The following OSBP variants were observed in gnomAD, a reference collection of about 807,000 sequenced individuals.
OSBP encodes the protein oxysterol-binding protein 1.
In OSBP, 32 loss-of-function variants were observed where a neutral mutation model predicts 96.6. That is an observed-to-expected ratio of 0.33 (90% CI 0.25 to 0.45). OSBP has a LOEUF of 0.45. Ranked by LOEUF, OSBP falls within the 20% of genes least tolerant of loss-of-function variation. The pLI is 1.00. For missense variants in OSBP, 653 were observed against 1,029.7 expected (o/e 0.63, Z 5.01); for synonymous variants, 369 against 389.6 (o/e 0.95, Z 0.62).
intron 7 of OSBP, chr11:59,595,214 A>C (rs946592370): frequency 2.6e-5 from 4 of 152,594 alleles, no homozygotes; most frequent in Non-Finnish European, 5.9e-5. Flanking sequence ...ATTCACTATA[A>C]AACAAGTCAG....
chr11:59,615,659 C>T lies in OSBP; in HGVS notation c.6G>A (p.Ala2=), dbSNP rs1299606656. Residue 2 remains alanine, a synonymous_variant, in exon 1 of 14, where the codon GCG becomes GCA. Transcript: ENST00000263847. ...CCACCACTCCTCTCAGCTCCGTCGCCGCCATGAGCCGCCGCCGCCTGGAGA... is the reference window on the plus strand; with the variant it reads ...CCACCACTCCTCTCAGCTCCGTCGCTGCCATGAGCCGCCGCCGCCTGGAGA... The part of the protein sequence containing the change: M[A]ATELRGVVGP... The T allele has an allele frequency of 7.5e-7, 1 of 1,337,210 alleles. No homozygotes were observed. Among genetic ancestry groups the T allele is most frequent in the African/African-American group, 1.5e-5 (1 of 65,374 alleles). 82.8% of individuals were successfully genotyped at this position (1,337,210 alleles called of 1,614,324 possible).
rs1860619067 is a variant in OSBP at position 59,594,143 on chromosome 11, T to C, written c.1424A>G (p.Tyr475Cys). 2 of 1,614,122 alleles carry C rather than the reference T, an allele frequency of 1.2e-6. No individual in the cohort carries two copies. Among genetic ancestry groups the C allele is most frequent in the South Asian group, 2.2e-5 (2 of 91,084 alleles). ...KCENSLEQLC[Y>C]VAAFTVSSYS... Reference sequence around the variant, plus strand: ...GGAGGACACGGTGAAAGCTGCAACATAACAGAGCTGTTCTAGAGAATTCTC... The same window carrying C: ...GGAGGACACGGTGAAAGCTGCAACACAACAGAGCTGTTCTAGAGAATTCTC... The change falls in exon 8 of 14, where the codon TAT (tyrosine) becomes TGT (cysteine). Residue 475 changes from tyrosine to cysteine, a missense_variant. This residue lies in a region of OSBP where 308 missense variants were observed against 573.1 expected (regional missense o/e 0.54). Coordinates refer to ENST00000263847, the MANE Select transcript of OSBP (RefSeq NM_002556.3).
chr11:59,582,660 G>C (rs1860435033), intron 9 of OSBP, among the ~76,000 whole-genome samples: 4 of 152,194 alleles, frequency 2.6e-5, no homozygotes, highest in Admixed American at 2.0e-4. Flanking sequence ...CAGAAGTGCA[G>C]GTGGCCTAGG....
intron 9 of OSBP, among the ~76,000 whole-genome samples, chr11:59,587,456 T>A (rs1283190612): frequency 6.6e-6 from 1 of 150,470 alleles, no homozygotes; most frequent in African/African-American, 2.5e-5. Context: ...GAGCCAAGAC[T>A]GCGCCACTGC....
chr11:59,594,001 T>C lies in OSBP; in HGVS notation c.1557+9A>G. On this transcript the variant is annotated intron_variant, in intron 8 of 13. Transcript: ENST00000263847. ...AAGGAAATGCGTTATGGTTCTGAGG[T>C]TCCTTTACCTGTTCACAGAGGGATC... 1 of 1,613,376 alleles carries C rather than the reference T, an allele frequency of 6.2e-7. No individual in the cohort carries two copies. The highest frequency in any genetic ancestry group is 2.2e-5 in the East Asian group (1 of 44,874).
Position 59,586,769 on chromosome 11 carries a change from G to T in OSBP, c.1679-5215C>A, listed in dbSNP as rs990770308. On this transcript the variant is annotated intron_variant, in intron 9 of 13. Transcript: ENST00000263847. ...TGGTCAAATGATTTTTGGCAAGGGT[G>T]CCAAGACCACTCAATGGGGACAGGA... Among the ~76,000 whole-genome samples the T allele has an allele frequency of 5.3e-5, 8 of 152,306 alleles. No homozygotes were observed. In the East Asian group the frequency reaches 1.5e-3, roughly 29 times the overall value.
intron 9 of OSBP, among the ~76,000 whole-genome samples, chr11:59,586,178 G>GAAAAAAAAAAAAAAAAAAAAAAAAAAA (rs34764421): frequency 1.7e-5 from 1 of 60,404 alleles, no homozygotes; most frequent in Non-Finnish European, 3.8e-5. Context: ...AATAAATAAA[G>GAAAAAAAAAAAAAAAAAAAAAAAAAAA]AAAAAAAAAA....
intron 9 of OSBP, among the ~76,000 whole-genome samples, chr11:59,585,515 C>T (rs1366100411): frequency 6.6e-6 from 1 of 151,674 alleles, no homozygotes; most frequent in African/African-American, 2.4e-5. Context: ...CCTCTCCGCC[C>T]AGCAGCCACC....
At position 59,576,396 on chromosome 11, in the gene OSBP, A is replaced by G; in HGVS notation, c.*181T>C. 1.5e-6 allele frequency: 1 copy of G among 666,048 alleles called. No homozygotes were observed. The highest frequency in any genetic ancestry group is 2.5e-6 in the Non-Finnish European group (1 of 393,576). 41.3% of individuals were successfully genotyped at this position (666,048 alleles called of 1,614,324 possible). On this transcript the variant is annotated 3_prime_UTR_variant, in exon 14 of 14. Coordinates refer to ENST00000263847, the MANE Select transcript of OSBP (RefSeq NM_002556.3). ...ATGTCGATTTCAGTTTCAATCAGCT[A>G]AGGCAACCAGCCAATCACCACCACT...
chr11:59,615,638 C>A lies in OSBP; in HGVS notation c.27G>T (p.Val9=). MAATELRG[V]VGPGPAAIAA... is the part of the protein sequence containing the mutation. The stretch of plus-strand genomic sequence containing the variant: ...CAATGGCTGCCGGGCCTGGCCCCAC[C>A]ACTCCTCTCAGCTCCGTCGCCGCCA... Residue 9 remains valine (V), a synonymous_variant, in exon 1 of 14, where the codon GTG becomes GTT. Transcript: ENST00000263847. 7.2e-7 allele frequency: 1 copy of A among 1,383,394 alleles called. No homozygotes were observed. 85.7% of individuals were successfully genotyped at this position (1,383,394 alleles called of 1,614,324 possible).
intron 5 of OSBP, 49 bp from the exon 6 acceptor site, chr11:59,600,922 A>G: frequency 6.7e-7 from 1 of 1,489,042 alleles, no homozygotes; most frequent in Non-Finnish European, 9.4e-7. Flanking sequence ...CCAGAACTAG[A>G]GTGTGGTCCT....
chr11:59,597,252 C>T (rs1860670514), intron 7 of OSBP, among the ~76,000 whole-genome samples: 1 of 151,912 alleles, frequency 6.6e-6, no homozygotes. Flanking sequence ...GAGATGTTGG[C>T]CAGGCTGGTC....
intron 3 of OSBP, among the ~76,000 whole-genome samples, chr11:59,604,309 G>C (rs150712194): frequency 1.3e-5 from 2 of 152,116 alleles, no homozygotes; most frequent in African/African-American, 4.8e-5. Flanking sequence ...CACTTTGGAA[G>C]GCCAAGACAG....
Position 59,615,344 on chromosome 11 carries a change from C to T in OSBP, c.321G>A (p.Arg107=). The T allele has an allele frequency of 6.2e-7, 1 of 1,607,742 alleles. No individual in the cohort carries two copies. The highest frequency in any genetic ancestry group is 8.5e-7 in the Non-Finnish European group (1 of 1,176,434). ...GCCCGTTGCTCAGCACGAACCATCG[C>T]CGCTGGTAGCCTTTGATATAATTGG... ...KWTNYIKGYQ[R]RWFVLSNGLL... Residue 107 remains arginine (R), a synonymous_variant, in exon 1 of 14, where the codon CGG becomes CGA. Coordinates refer to ENST00000263847, the MANE Select transcript of OSBP (RefSeq NM_002556.3).
At chr11:59,608,250 T>G (rs1860807297) in intron 3 of OSBP, among the ~76,000 whole-genome samples, 1 of 152,220 alleles carries the variant, frequency 6.6e-6, no homozygotes, top group Admixed American at 6.5e-5. Context: ...CCTGGACTCC[T>G]GATTCCCAGC....
intron 9 of OSBP, among the ~76,000 whole-genome samples, chr11:59,587,743 T>C (rs1276740883): frequency 6.6e-6 from 1 of 152,236 alleles, no homozygotes; most frequent in Non-Finnish European, 1.5e-5. Flanking sequence ...TGTATAACCA[T>C]TGTCGAAGAC....
chr11:59,605,291 C>G (rs2134673340), intron 3 of OSBP, among the ~76,000 whole-genome samples: 1 of 152,316 alleles, frequency 6.6e-6, no homozygotes, highest in East Asian at 1.9e-4. Context: ...CTAGCTGCTT[C>G]CTTGCTCGAC....
chr11:59,591,477 C>T (rs917663496), intron 9 of OSBP, among the ~76,000 whole-genome samples: 2 of 151,938 alleles, frequency 1.3e-5, no homozygotes, highest in African/African-American at 2.4e-5. Context: ...CTAACCTACA[C>T]ATTCCTCTCC....
intron 9 of OSBP, among the ~76,000 whole-genome samples, chr11:59,584,424 T>G (rs1860468719): frequency 6.6e-6 from 1 of 152,124 alleles, no homozygotes; most frequent in African/African-American, 2.4e-5. Context: ...CAGCAGCATA[T>G]TAAAAGGATT....
Sources: allele counts gnomAD v4.1 joint callset (sites outside exome capture counted in the v4.1 genomes callset), GRCh38; gene constraint gnomAD v4.1.1; regional missense constraint gnomAD v4.1.1; transcripts MANE v1.5; gene names NCBI Gene and HGNC (gene_info 2026-07-23, HGNC 2026-07-21).